The following CMC1 variants were observed in gnomAD, a reference collection of about 807,000 sequenced individuals.
The protein encoded by CMC1 is COX assembly mitochondrial protein homolog.
A neutral mutation model predicts 14.1 loss-of-function variants in CMC1; 14 were observed. The ratio of observed to expected loss-of-function variants is 0.99; its 90% CI spans 0.66 to 1.55. The LOEUF (loss-of-function observed/expected upper bound fraction) is 1.55, where lower values mean the gene tolerates loss of function less well. Among genes scored for constraint, CMC1 ranks in the 40% most tolerant of loss-of-function variants. The pLI is 0.00. For synonymous variants in CMC1, 50 were observed against 38.4 expected, an observed-to-expected ratio of 1.30 and a Z score of -1.12; for missense variants, 127 against 123.8, an observed-to-expected ratio of 1.03 and a Z score of -0.12.
At chr3:28,264,242 A>C (rs962477000) in intron 2 of CMC1, among the ~76,000 whole-genome samples, 1 of 152,086 alleles carries the variant, frequency 6.6e-6, no homozygotes, top group Non-Finnish European at 1.5e-5. Context: ...TTTAGTGAGG[A>C]TGATGGGCTG....
intron 2 of CMC1, among the ~76,000 whole-genome samples, chr3:28,268,095 T>G (rs186495646): frequency 3.2e-3 from 493 of 152,268 alleles, no homozygotes; most frequent in Non-Finnish European, 5.3e-3. Flanking sequence ...TATGAGTATA[T>G]TATACAGTCT....
Position 28,257,600 on chromosome 3 carries a change from C to T in CMC1, c.20-5691C>T, listed in dbSNP as rs564860415. Among the ~76,000 whole-genome samples the T allele has an allele frequency of 9.9e-5, 15 of 152,216 alleles. No homozygotes were observed. The South Asian group carries it at 2.7e-3, about 27-fold the overall frequency. On this transcript the variant is annotated intron_variant, in intron 1 of 3. Coordinates refer to ENST00000466830, the MANE Select transcript of CMC1 (RefSeq NM_182523.2). The stretch of plus-strand genomic sequence containing the variant: ...GTGATGCCATCTTGGCTGACTGCAA[C>T]CTCCGCCTCCTGGGTTCAAGCGATT...
intron 2 of CMC1, among the ~76,000 whole-genome samples, chr3:28,300,775 G>C (rs1341399814): frequency 7.2e-6 from 1 of 138,822 alleles, no homozygotes; most frequent in South Asian, 2.3e-4. Context: ...ATAATATTCT[G>C]TAAGATGTAG....
intron 2 of CMC1, among the ~76,000 whole-genome samples, chr3:28,285,573 C>T (rs912856051): frequency 9.9e-5 from 15 of 151,606 alleles, no homozygotes; most frequent in South Asian, 6.2e-4. Flanking sequence ...CTATTGGGTA[C>T]AGGGTACTGT....
chr3:28,256,683 A>G (rs865937565), intron 1 of CMC1, among the ~76,000 whole-genome samples: 11 of 152,308 alleles, frequency 7.2e-5, no homozygotes, highest in Middle Eastern at 3.4e-3. Context: ...TAACACCAAA[A>G]CAATGCAAAG....
chr3:28,319,718 C>A lies in CMC1; in HGVS notation c.*89C>A. On this transcript the variant is annotated 3_prime_UTR_variant, in exon 4 of 4. Transcript: ENST00000466830. The stretch of plus-strand genomic sequence containing the variant: ...TAATGGACTCAAGCATATATGTTTG[C>A]TTTACCTTAATTATGGAAATATTAA... The A allele has an allele frequency of 9.6e-7, 1 of 1,045,824 alleles. No individual in the cohort carries two copies. The highest frequency in any genetic ancestry group is 1.3e-6 in the Non-Finnish European group (1 of 742,192). 64.8% of individuals were successfully genotyped at this position (1,045,824 alleles called of 1,614,324 possible).
In CMC1 at chr3:28,324,374, T is replaced by A; in HGVS notation, c.*4745T>A. ...TTTGGTAAGAGAGGGGGATGTCTTG[T>A]GTATGTTGCAGTAAAATTCATCAAG... On this transcript the variant is annotated 3_prime_UTR_variant, in exon 4 of 4. Coordinates refer to ENST00000466830, the MANE Select transcript of CMC1 (RefSeq NM_182523.2). The A allele has an allele frequency of 6.3e-7, 1 of 1,576,508 alleles. No individual in the cohort carries two copies.
intron 2 of CMC1, among the ~76,000 whole-genome samples, chr3:28,288,514 A>T (rs1266315298): frequency 1.3e-5 from 2 of 151,974 alleles, no homozygotes; most frequent in African/African-American, 2.4e-5. Flanking sequence ...TCTTTAGGAA[A>T]TTTTGGGTCT....
Position 28,324,572 on chromosome 3 carries a change from G to A in CMC1, c.*4943G>A. 1.0e-6 allele frequency: 1 copy of A among 955,458 alleles called. No homozygotes were observed. The highest frequency in any genetic ancestry group is 1.4e-6 in the Non-Finnish European group (1 of 699,634). 59.2% of individuals were successfully genotyped at this position (955,458 alleles called of 1,614,324 possible). A position where few individuals can be genotyped will look rare whatever the true frequency, so the allele number is the denominator to read the frequency against. On this transcript the variant is annotated 3_prime_UTR_variant, in exon 4 of 4. Transcript: ENST00000466830. Reference sequence around the variant, plus strand: ...TGATGAAATTAAGATTTCCAAGTTAGTGTGATCATTGAGGCACTGTGACTA... The same window carrying A: ...TGATGAAATTAAGATTTCCAAGTTAATGTGATCATTGAGGCACTGTGACTA...
chr3:28,251,166 T>C (rs182052645), intron 1 of CMC1, among the ~76,000 whole-genome samples: 1 of 152,254 alleles, frequency 6.6e-6, no homozygotes, highest in East Asian at 1.9e-4. Flanking sequence ...ACAGGAAGCA[T>C]GGCATCTGCT....
rs372487968 is a variant in CMC1 at position 28,255,722 on chromosome 3, TACACACACACAC to T, written c.20-7548_20-7537del. Reference sequence around the variant, plus strand: ...AAAAATGTATATATATACATGTACATACACACACACACACACACACACACACACACACGCGAC... The same window carrying T: ...AAAAATGTATATATATACATGTACATACACACACACACACACACACGCGAC... On this transcript the variant is annotated intron_variant, in intron 1 of 3. Transcript: ENST00000466830. Among the ~76,000 whole-genome samples the T allele has an allele frequency of 8.8e-3, 1,276 of 144,356 alleles. 5 individuals are homozygous for T. Among genetic ancestry groups the T allele is most frequent in the Non-Finnish European group, 0.014 (919 of 66,004 alleles). 94.7% of individuals were successfully genotyped at this position (144,356 alleles called of 152,430 possible).
chr3:28,253,182 G>C (rs1913141), intron 1 of CMC1, among the ~76,000 whole-genome samples: 2 of 152,150 alleles, frequency 1.3e-5, no homozygotes, highest in African/African-American at 4.8e-5. Flanking sequence ...CTGGTGTGAA[G>C]CACTTAGTGA....
intron 2 of CMC1, chr3:28,298,084 A>C (rs1701836759): frequency 6.6e-6 from 1 of 151,878 alleles, no homozygotes; most frequent in African/African-American, 2.4e-5. Context: ...CAAATGGCTC[A>C]GCTTCCAAGT....
At chr3:28,294,205 G>A (rs1192599183) in intron 2 of CMC1, among the ~76,000 whole-genome samples, 2 of 152,034 alleles carry the variant, frequency 1.3e-5, no homozygotes, top group African/African-American at 4.8e-5. Context: ...ATGTAAGTGA[G>A]CTCTGTCAAA....
At chr3:28,291,262 G>A (rs1701456318) in intron 2 of CMC1, among the ~76,000 whole-genome samples, 1 of 152,086 alleles carries the variant, frequency 6.6e-6, no homozygotes, top group Non-Finnish European at 1.5e-5. Context: ...TGGACATGAA[G>A]GACATGAACA....
intron 1 of CMC1, 170 bp from the exon 2 acceptor site, chr3:28,263,120 AC>A (rs1458252767): frequency 2.2e-5 from 12 of 551,010 alleles, no homozygotes; most frequent in East Asian, 3.4e-5. Context: ...ATATAAAAAA[AC>A]ATTGCAAATA....
chr3:28,317,968 G>C (rs1703005291), intron 3 of CMC1: 3 of 151,860 alleles, frequency 2.0e-5, no homozygotes, highest in Admixed American at 6.6e-5. Flanking sequence ...GGCTAGGAAG[G>C]ATGGCTGTTT....
chr3:28,292,635 C>T (rs1701532096), intron 2 of CMC1: 2 of 152,054 alleles, frequency 1.3e-5, no homozygotes, highest in South Asian at 4.2e-4. Context: ...CCCATAGATG[C>T]CTTAGGTAGA....
intron 1 of CMC1, among the ~76,000 whole-genome samples, chr3:28,247,944 T>G (rs957533894): frequency 1.3e-5 from 2 of 152,190 alleles, no homozygotes; most frequent in Non-Finnish European, 2.9e-5. Flanking sequence ...GAATTCTTGT[T>G]CATTTTTCAC....
Sources: allele counts gnomAD v4.1 joint callset (sites outside exome capture counted in the v4.1 genomes callset), GRCh38; gene constraint gnomAD v4.1.1; transcripts MANE v1.5; gene names NCBI Gene and HGNC (gene_info 2026-07-23, HGNC 2026-07-21).